The following OR8G5 variants were observed in gnomAD, a reference collection of about 807,000 sequenced individuals.
OR8G5 encodes olfactory receptor family 8 subfamily G member 5.
For missense variants in OR8G5, 347 were observed against 371.9 expected (o/e 0.93, Z 0.55); for synonymous variants, 147 against 147.7 (o/e 1.00, Z 0.03).
Position 124,266,199 on chromosome 11 carries a change from A to G in OR8G5, c.*332A>G. ...ACATACTCCTCAACATAATAAAAAC[A>G]CTATCTTCTGGTGATAAAATACTAT... is the stretch of plus-strand genomic sequence containing the variant. On this transcript the variant is annotated 3_prime_UTR_variant, in exon 2 of 2. Coordinates refer to ENST00000641992, the MANE Select transcript of OR8G5 (RefSeq NM_001005198.2). 1 of 221,926 alleles carries G rather than the reference A, an allele frequency of 4.5e-6. No individual in the cohort carries two copies. Among genetic ancestry groups the G allele is most frequent in the Non-Finnish European group, 8.9e-6 (1 of 111,860 alleles). 13.7% of individuals were successfully genotyped at this position (221,926 alleles called of 1,614,324 possible). A position where few individuals can be genotyped will look rare whatever the true frequency, so the allele number is the denominator to read the frequency against.
In OR8G5 at chr11:124,265,281, C is replaced by T; in HGVS notation, c.350C>T (p.Ala117Val). Residue 117 changes from alanine to valine, a missense_variant, in exon 2 of 2, where the codon GCA becomes GTA. Physicochemically the swap from Ala to Val is moderately conservative, Grantham distance 64. Coordinates refer to ENST00000641992, the MANE Select transcript of OR8G5 (RefSeq NM_001005198.2). ...ATTGCAGAGTGTCACATGTTGGCTG[C>T]AATGGCATATGACGGCTACGTGGCC... ...FAIAECHMLA[A>V]MAYDGYVAIC... 6.2e-7 allele frequency: 1 copy of T among 1,614,038 alleles called. No homozygotes were observed. The highest frequency in any genetic ancestry group is 1.7e-5 in the Admixed American group (1 of 60,026).
intron 1 of OR8G5, among the ~76,000 whole-genome samples, chr11:124,258,350 A>G (rs1861932169): frequency 6.6e-6 from 1 of 152,066 alleles, no homozygotes; most frequent in African/African-American, 2.4e-5. Context: ...TGAGGTCAGG[A>G]GTTCGAGACT....
chr11:124,265,079 G>T lies in OR8G5; in HGVS notation c.148G>T (p.Gly50Trp). The T allele has an allele frequency of 1.2e-6, 2 of 1,614,116 alleles. No homozygotes were observed. The highest frequency in any genetic ancestry group is 1.1e-5 in the South Asian group (1 of 91,070). ...LGNLGMITLI[G>W]LSSHLHTPMY... ...GAACCTGGGCATGATCACACTGATT[G>T]GGCTCAGTTCTCACCTGCACACACC... is the stretch of plus-strand genomic sequence containing the variant. The change falls in exon 2 of 2, where the codon GGG becomes TGG. Residue 50 changes from glycine (G) to tryptophan (W), a missense_variant. By Grantham distance (184) the Gly-to-Trp change is radical. Coordinates refer to ENST00000641992, the MANE Select transcript of OR8G5 (RefSeq NM_001005198.2).
rs779393234 is a variant in OR8G5 at position 124,259,312 on chromosome 11, A to G, written c.-15+2678A>G. On this transcript the variant is annotated intron_variant, in intron 1 of 1. Coordinates refer to ENST00000641992, the MANE Select transcript of OR8G5 (RefSeq NM_001005198.2). ...GTTGAAAAAAATTTGAAATTTGACA[A>G]AGATTTGAAAATATTTTCAAAGTTT... 5.3e-5 allele frequency among the ~76,000 whole-genome samples: 8 copies of G among 152,334 alleles called. No homozygotes were observed. In the East Asian group the frequency reaches 7.7e-4, roughly 15 times the overall value.
At position 124,265,500 on chromosome 11, in the gene OR8G5, C is replaced by G; in HGVS notation, c.569C>G (p.Ser190Cys). Residue 190 changes from serine to cysteine, a missense_variant, in exon 2 of 2, where the codon TCT (serine) becomes TGT (cysteine). By Grantham distance (112) the Ser-to-Cys change is moderately radical (BLOSUM62 -1). Coordinates refer to ENST00000641992, the MANE Select transcript of OR8G5 (RefSeq NM_001005198.2). Reference sequence around the variant, plus strand: ...ATTTCTATCTTGAAGCTCTCCTGTTCTAGTACTTACATTAATGAGTTACTG... The same window carrying G: ...ATTTCTATCTTGAAGCTCTCCTGTTGTAGTACTTACATTAATGAGTTACTG... ...DLISILKLSC[S>C]STYINELLIL... 1.2e-6 allele frequency: 2 copies of G among 1,613,954 alleles called. No individual in the cohort carries two copies. Among genetic ancestry groups the G allele is most frequent in the Non-Finnish European group, 1.7e-6 (2 of 1,179,850 alleles).
Position 124,265,318 on chromosome 11 carries a change from C to T in OR8G5, c.387C>T (p.Pro129=), listed in dbSNP as rs776160892. 205 of 1,613,904 alleles carry T rather than the reference C, an allele frequency of 1.3e-4. No homozygotes were observed. The highest frequency in any genetic ancestry group is 1.6e-4 in the Non-Finnish European group (192 of 1,179,908). Residue 129 remains proline (P), a synonymous_variant, in exon 2 of 2, where the codon CCC becomes CCT. Transcript: ENST00000641992. ...AYDGYVAICS[P]LLYSIIISNK... ...ACGGCTACGTGGCCATCTGTAGCCCCTTGCTGTACAGCATCATCATATCCA... is the reference window on the plus strand; with the variant it reads ...ACGGCTACGTGGCCATCTGTAGCCCTTTGCTGTACAGCATCATCATATCCA...
At chr11:124,260,332 G>A (rs923399585) in intron 1 of OR8G5, among the ~76,000 whole-genome samples, 5 of 151,884 alleles carry the variant, frequency 3.3e-5, no homozygotes. Flanking sequence ...AAACCCAAAT[G>A]TAATGTGTTC....
chr11:124,265,247 G>T lies in OR8G5; in HGVS notation c.316G>T (p.Val106Phe), dbSNP rs200012972. The T allele has an allele frequency of 6.2e-7, 1 of 1,613,970 alleles. No homozygotes were observed. ...CATGACTCAGCTCTACTTCTTCCTC[G>T]TTTTTGCTATTGCAGAGTGTCACAT... Reference protein sequence around the residue: ...ECMTQLYFFLVFAIAECHMLA... With the variant: ...ECMTQLYFFLFFAIAECHMLA... The change falls in exon 2 of 2, where the codon GTT (valine) becomes TTT (phenylalanine). Residue 106 changes from valine (V) to phenylalanine (F), a missense_variant. Physicochemically the swap from Val to Phe is conservative, Grantham distance 50. Coordinates refer to ENST00000641992, the MANE Select transcript of OR8G5 (RefSeq NM_001005198.2).
At chr11:124,259,728 ACACT>A (rs1017242080) in intron 1 of OR8G5, among the ~76,000 whole-genome samples, 23 of 152,102 alleles carry the variant, frequency 1.5e-4, no homozygotes, top group Admixed American at 2.0e-4. Flanking sequence ...GAATCAACAA[ACACT>A]CTTTGTGTTC....
chr11:124,262,134 A>G (rs530694482), intron 1 of OR8G5, among the ~76,000 whole-genome samples: 6 of 136,788 alleles, frequency 4.4e-5, no homozygotes, highest in African/African-American at 1.5e-4. Flanking sequence ...AAAGAAATGA[A>G]TAAAAATAAA....
intron 1 of OR8G5, 81 bp downstream of exon 1, chr11:124,256,715 G>A (rs1861916986): frequency 6.6e-6 from 1 of 152,172 alleles, no homozygotes; most frequent in African/African-American, 2.4e-5. Context: ...GGAAATATTT[G>A]TGAATACTTT....
chr11:124,262,953 A>G (rs892184358), intron 1 of OR8G5, among the ~76,000 whole-genome samples: 2 of 152,164 alleles, frequency 1.3e-5, no homozygotes, highest in Non-Finnish European at 2.9e-5. Context: ...TTTGTATGAC[A>G]AGTAGAGATG....
chr11:124,257,453 C>T (rs1861924623), intron 1 of OR8G5, among the ~76,000 whole-genome samples: 1 of 152,144 alleles, frequency 6.6e-6, no homozygotes, highest in Non-Finnish European at 1.5e-5. Context: ...TAAATACTCT[C>T]TTCATGGAAG....
At chr11:124,263,905 G>A (rs1018246228) in intron 1 of OR8G5, among the ~76,000 whole-genome samples, 3 of 151,980 alleles carry the variant, frequency 2.0e-5, no homozygotes, top group Admixed American at 6.5e-5. Flanking sequence ...TAACAGAAAG[G>A]GGATCACACT....
intron 1 of OR8G5, among the ~76,000 whole-genome samples, chr11:124,259,022 ATATCT>A (rs1417210266): frequency 5.9e-5 from 9 of 152,182 alleles, no homozygotes; most frequent in African/African-American, 1.4e-4. Flanking sequence ...CTCAAACCAG[ATATCT>A]TATATGGGAA....
rs759142413 is a variant in OR8G5 at position 124,265,917 on chromosome 11, A to T, written c.*50A>T. ...CATTAGATCTAAGTTTTTGGCTATG[A>T]TATTGTATGAAATGATGTCTTTCAC... On this transcript the variant is annotated 3_prime_UTR_variant, in exon 2 of 2. Transcript: ENST00000641992. 6 of 1,509,644 alleles carry T rather than the reference A, an allele frequency of 4.0e-6. No individual in the cohort carries two copies. In the South Asian group the frequency reaches 8.1e-5, roughly 20 times the overall value. The allele number at this position is 1,509,644 out of a possible 1,614,324, so 93.5% of individuals were successfully genotyped here.
chr11:124,264,939 C>T lies in OR8G5; in HGVS notation c.8C>T (p.Ala3Val). The stretch of plus-strand genomic sequence containing the variant: ...GCAGAAACTCATCAAAGAATGGCAG[C>T]AGAAAACCATTCTTTTGTGACTAAG... Reference protein sequence around the residue: MAAENHSFVTKFI... With the variant: MAVENHSFVTKFI... Residue 3 changes from alanine to valine, a missense_variant, in exon 2 of 2, where the codon GCA (alanine) becomes GTA (valine). By Grantham distance (64) the Ala-to-Val change is moderately conservative (BLOSUM62 0). Coordinates refer to ENST00000641992, the MANE Select transcript of OR8G5 (RefSeq NM_001005198.2). The T allele has an allele frequency of 6.2e-7, 1 of 1,613,674 alleles. No homozygotes were observed. Among genetic ancestry groups the T allele is most frequent in the Non-Finnish European group, 8.5e-7 (1 of 1,179,680 alleles).
chr11:124,258,644 A>G (rs992810877), intron 1 of OR8G5, among the ~76,000 whole-genome samples: 2 of 152,172 alleles, frequency 1.3e-5, no homozygotes, highest in African/African-American at 4.8e-5. Flanking sequence ...TGATAGGCAT[A>G]GAATAGTACT....
At chr11:124,261,293 G>A (rs1861969261) in intron 1 of OR8G5, among the ~76,000 whole-genome samples, 2 of 151,864 alleles carry the variant, frequency 1.3e-5, no homozygotes, top group South Asian at 4.2e-4. Flanking sequence ...GAGGTATTTG[G>A]TGCTAATTTG....
Sources: allele counts gnomAD v4.1 joint callset (sites outside exome capture counted in the v4.1 genomes callset), GRCh38; gene constraint gnomAD v4.1.1; transcripts MANE v1.5; gene names NCBI Gene and HGNC (gene_info 2026-07-23, HGNC 2026-07-21).